METTL16: variants seen among roughly 807,000 people sequenced by gnomAD.
The protein encoded by METTL16 is RNA N(6)-adenosine-methyltransferase METTL16.
A neutral mutation model predicts 57.9 loss-of-function variants in METTL16; 19 were observed. The ratio of observed to expected loss-of-function variants is 0.33; its 90% CI spans 0.23 to 0.48. METTL16 has a LOEUF of 0.48. Ranked by LOEUF, METTL16 falls within the 20% of genes least tolerant of loss-of-function variation. METTL16 has a pLI of 0.99. For missense variants in METTL16, 434 were observed against 691.5 expected (o/e 0.63, Z 4.18); for synonymous variants, 246 against 255.6 (o/e 0.96, Z 0.36).
Position 2,497,241 on chromosome 17 carries a change from GGTGATCC to G in METTL16, c.128+4956_128+4962del, listed in dbSNP as rs1301278680. ...GACTGGTCTCGAACTCCTGACCTCA[GGTGATCC>G]GCCCACCTTGGCCTCCCAAAGTGCT... On this transcript the variant is annotated intron_variant, in intron 2 of 9. Coordinates refer to ENST00000263092, the MANE Select transcript of METTL16 (RefSeq NM_024086.4). Among the ~76,000 whole-genome samples, 4 of 150,324 alleles carry G rather than the reference GGTGATCC, an allele frequency of 2.7e-5. No homozygotes were observed. In the East Asian group the frequency reaches 5.8e-4, roughly 22 times the overall value.
intron 6 of METTL16, among the ~76,000 whole-genome samples, chr17:2,451,017 G>A (rs1280319363): frequency 2.0e-5 from 3 of 152,040 alleles, no homozygotes; most frequent in Non-Finnish European, 2.9e-5. Flanking sequence ...TTGAAGACTG[G>A]CAATCTGGTA....
In METTL16 at chr17:2,431,087, A is replaced by C. The variant is rs2066870874; in HGVS notation, c.888+7022T>G. Among the ~76,000 whole-genome samples the C allele has an allele frequency of 2.6e-5, 4 of 152,168 alleles. No homozygotes were observed. The South Asian group carries it at 8.3e-4, about 31-fold the overall frequency. On this transcript the variant is annotated intron_variant, in intron 8 of 9. Transcript: ENST00000263092. ...CAGCCTCCCAACTAGCTGGGATTAC[A>C]GGAATGTGCCACCATGCCCAGCTAA...
chr17:2,441,590 C>T (rs371902501), intron 6 of METTL16, 31 bp from the exon 7 acceptor site: 108 of 1,458,184 alleles, frequency 7.4e-5, no homozygotes, highest in Non-Finnish European at 8.2e-5. Context: ...CAAGTAAATA[C>T]GGTTTATGTG....
Position 2,438,176 on chromosome 17 carries a change from T to TCAGTGTA in METTL16, c.814_820dup (p.Glu274ValfsTer3), listed in dbSNP as rs1456228135. ...TCTCATTGTCCGACCTTGACAGAAT[T>TCAGTGTA]CAGTGTACGTTACTTTGGGAACCTG... On this transcript the variant is annotated stop_gained and frameshift_variant, in exon 8 of 10. Transcript: ENST00000263092. LOFTEE classifies it high-confidence loss of function. The TCAGTGTA allele has an allele frequency of 6.2e-7, 1 of 1,613,728 alleles. No individual in the cohort carries two copies. Among genetic ancestry groups the TCAGTGTA allele is most frequent in the South Asian group, 1.1e-5 (1 of 91,074 alleles).
intron 2 of METTL16, among the ~76,000 whole-genome samples, chr17:2,498,909 A>C (rs902642856): frequency 4.0e-5 from 6 of 151,608 alleles, no homozygotes; most frequent in South Asian, 2.1e-4. Flanking sequence ...ACTGCACCCC[A>C]GCCACGCTTC....
At chr17:2,452,072 G>A (rs2067075267) in intron 6 of METTL16, among the ~76,000 whole-genome samples, 1 of 151,002 alleles carries the variant, frequency 6.6e-6, no homozygotes, top group Non-Finnish European at 1.5e-5. Flanking sequence ...GGGAGGTCAG[G>A]GCTGCAGTGA....
At chr17:2,506,313 C>T (rs1039743513) in intron 1 of METTL16, among the ~76,000 whole-genome samples, 27 of 145,828 alleles carry the variant, frequency 1.9e-4, no homozygotes, top group Middle Eastern at 3.4e-3. Context: ...CCCCCTCTTG[C>T]CACGGTCTCC....
intron 2 of METTL16, among the ~76,000 whole-genome samples, chr17:2,499,428 T>C (rs2067471536): frequency 1.4e-5 from 2 of 148,010 alleles, no homozygotes; most frequent in South Asian, 2.1e-4. Context: ...CAGCCTCTCA[T>C]GTAGCTGGGA....
At chr17:2,461,630 G>A (rs2067150857) in intron 6 of METTL16, among the ~76,000 whole-genome samples, 1 of 146,714 alleles carries the variant, frequency 6.8e-6, no homozygotes, top group Admixed American at 6.8e-5. Flanking sequence ...AGGCTGGAGT[G>A]CAGTGGCACA....
chr17:2,511,651 C>G, intron 1 of METTL16, 108 bp downstream of exon 1: 1 of 393,210 alleles, frequency 2.5e-6, no homozygotes. Flanking sequence ...TCCTAGACCC[C>G]GAAGTCGGCA....
intron 6 of METTL16, among the ~76,000 whole-genome samples, chr17:2,457,491 G>GAGGTC (rs1276711916): frequency 7.2e-5 from 11 of 152,026 alleles, no homozygotes; most frequent in African/African-American, 2.7e-4. Flanking sequence ...CGGATAACCT[G>GAGGTC]AGGTCAGGAG....
At chr17:2,491,383 A>G (rs1330525290) in intron 2 of METTL16, among the ~76,000 whole-genome samples, 2 of 152,202 alleles carry the variant, frequency 1.3e-5, no homozygotes, top group African/African-American at 2.4e-5. Context: ...GAACAGACAC[A>G]TTTCTGTAAT....
rs1207581144 is a variant in METTL16, at chr17:2,438,096, G to T, written c.888+13C>A. 10 of 1,596,194 alleles carry T rather than the reference G, an allele frequency of 6.3e-6. No homozygotes were observed. The highest frequency in any genetic ancestry group is 8.6e-6 in the Non-Finnish European group (10 of 1,164,142). On this transcript the variant is annotated intron_variant, in intron 8 of 9. Coordinates refer to ENST00000263092, the MANE Select transcript of METTL16 (RefSeq NM_024086.4). ...GCTGGCAGGTGGTGAAGCGGAGCAA[G>T]GTCTGTACTTACTGGTACTGTGACA...
rs759610649 is a variant in METTL16, at chr17:2,467,710, G to A, written c.585+51C>T. 2.1e-4 allele frequency: 307 copies of A among 1,437,074 alleles called. 1 individual carries two copies. The highest frequency in any genetic ancestry group is 8.5e-4 in the South Asian group (74 of 87,410). The allele number at this position is 1,437,074 out of a possible 1,614,324, so 89.0% of individuals were successfully genotyped here. On this transcript the variant is annotated intron_variant, in intron 5 of 9. Transcript: ENST00000263092. ...CAAAGTGCAGGGATTACAGGCGTGA[G>A]CCACCGCGCCCAGCCTATATTCAAT...
chr17:2,454,475 T>A (rs1276504111), intron 6 of METTL16, among the ~76,000 whole-genome samples: 2 of 151,976 alleles, frequency 1.3e-5, no homozygotes, highest in African/African-American at 4.8e-5. Context: ...CGAATCTATA[T>A]AACTAAAAAT....
At chr17:2,424,174 C>G (rs532705990) in intron 8 of METTL16, 7 of 149,368 alleles carry the variant, frequency 4.7e-5, no homozygotes, top group Admixed American at 1.3e-4. Flanking sequence ...AGTGCAGTGG[C>G]GGGATCTCGG....
intron 2 of METTL16, among the ~76,000 whole-genome samples, chr17:2,488,584 A>G (rs1479507798): frequency 2.0e-5 from 3 of 152,164 alleles, no homozygotes; most frequent in African/African-American, 7.2e-5. Context: ...ACAAATTAAA[A>G]AAAACAAAAA....
At chr17:2,505,982 T>C (rs866506205) in intron 1 of METTL16, among the ~76,000 whole-genome samples, 60 of 151,988 alleles carry the variant, frequency 3.9e-4, no homozygotes, top group Non-Finnish European at 7.6e-4. Flanking sequence ...TATTCTTTTT[T>C]TTTTGAGACA....
At chr17:2,492,145 A>G (rs1193376333) in intron 2 of METTL16, among the ~76,000 whole-genome samples, 2 of 151,758 alleles carry the variant, frequency 1.3e-5, no homozygotes, top group Non-Finnish European at 2.9e-5. Context: ...TGGGAGGCGG[A>G]GCTTGCAGTG....
Sources: gnomAD v4.1 joint callset for allele counts (sites outside exome capture counted in the v4.1 genomes callset) on GRCh38, gnomAD v4.1.1 for gene constraint, MANE v1.5 for transcripts, NCBI Gene and HGNC (gene_info 2026-07-23, HGNC 2026-07-21) for gene names.